Variants in ULK4 observed in about 807,000 individuals in gnomAD.
ULK4 encodes inactive serine/threonine-protein kinase ULK4.
Under a neutral mutation model 160.6 loss-of-function variants are expected in ULK4, and 133 were observed. That is an observed-to-expected ratio of 0.83 (90% CI 0.72 to 0.96). The LOEUF is 0.96. Among genes scored for constraint, ULK4 ranks in the 40% least tolerant of loss-of-function variants. The probability of loss-of-function intolerance (pLI) is 0.00; values close to 1 mark genes in which losing one functional copy is unlikely to be tolerated. For synonymous variants in ULK4, 534 were observed against 539.8 expected (o/e 0.99, Z 0.15); for missense variants, 1,580 against 1,499.5 (o/e 1.05, Z -0.89).
At chr3:41,453,727 A>G (rs571052197) in intron 34 of ULK4, among the ~76,000 whole-genome samples, 1 of 152,226 alleles carries the variant, frequency 6.6e-6, no homozygotes, top group East Asian at 1.9e-4. Flanking sequence ...ACGGTCTTGC[A>G]TTATTATTGT....
intron 32 of ULK4, among the ~76,000 whole-genome samples, chr3:41,542,511 G>C (rs1026599876): frequency 3.3e-5 from 5 of 152,060 alleles, no homozygotes; most frequent in African/African-American, 1.2e-4. Flanking sequence ...CCAGGTTTTG[G>C]TATCAGGATG....
At chr3:41,824,342 G>A (rs142608363) in intron 18 of ULK4, among the ~76,000 whole-genome samples, 18,754 of 151,806 alleles carry the variant, frequency 0.12, 1,329 homozygotes, top group Middle Eastern at 0.26. Flanking sequence ...GCAGCACACC[G>A]AGCATAAGAC....
At chr3:41,733,459 T>A (rs912771134) in intron 22 of ULK4, among the ~76,000 whole-genome samples, 4 of 152,090 alleles carry the variant, frequency 2.6e-5, no homozygotes, top group African/African-American at 9.7e-5. Context: ...TAAAAAGAGG[T>A]GTTGAATACA....
intron 27 of ULK4, among the ~76,000 whole-genome samples, chr3:41,685,666 T>A (rs2125797091): frequency 6.6e-6 from 1 of 152,334 alleles, no homozygotes; most frequent in Non-Finnish European, 1.5e-5. Context: ...CCTGCATACC[T>A]ACCCTTCACA....
At chr3:41,518,729 G>A (rs2085831946) in intron 32 of ULK4, among the ~76,000 whole-genome samples, 1 of 152,128 alleles carries the variant, frequency 6.6e-6, no homozygotes, top group East Asian at 1.9e-4. Flanking sequence ...TATCAGTTAA[G>A]GGAAAAAAGA....
Position 41,650,117 on chromosome 3 carries a change from C to T in ULK4, c.3071+13490G>A, listed in dbSNP as rs74921287. Among the ~76,000 whole-genome samples, 559 of 152,150 alleles carry T rather than the reference C, an allele frequency of 3.7e-3. 3 individuals are homozygous for T. The East Asian group carries it at 0.044, about 12-fold the overall frequency. The stretch of plus-strand genomic sequence containing the variant: ...GCTGGAGACTCACTGGGACAACCTG[C>T]CTGTGGAGAGGAGCTACCCACTTTG... On this transcript the variant is annotated intron_variant, in intron 30 of 36. Coordinates refer to ENST00000301831, the MANE Select transcript of ULK4 (RefSeq NM_017886.4).
In ULK4 at chr3:41,865,610, C is replaced by T. The variant is rs561070664; in HGVS notation, c.1656+18264G>A. Among the ~76,000 whole-genome samples the T allele has an allele frequency of 7.2e-5, 11 of 152,244 alleles. No homozygotes were observed. The South Asian group carries it at 1.9e-3, about 26-fold the overall frequency. ...CCTCTCTTTAATATCCTTGGCCCAT[C>T]GGAAAGTTCCACAAAGACAGGGACA... On this transcript the variant is annotated intron_variant, in intron 17 of 36. Coordinates refer to ENST00000301831, the MANE Select transcript of ULK4 (RefSeq NM_017886.4).
At chr3:41,373,674 G>T (rs926923151) in intron 35 of ULK4, among the ~76,000 whole-genome samples, 15 of 152,044 alleles carry the variant, frequency 9.9e-5, no homozygotes, top group African/African-American at 3.6e-4. Flanking sequence ...AATGCCCACA[G>T]GAGAAAGCGG....
At chr3:41,825,798 A>G (rs2041324992) in intron 18 of ULK4, among the ~76,000 whole-genome samples, 1 of 152,192 alleles carries the variant, frequency 6.6e-6, no homozygotes, top group South Asian at 2.1e-4. Context: ...AAATTCAGGA[A>G]ATACAGAGAA....
chr3:41,824,697 T>C (rs894906304), intron 18 of ULK4, among the ~76,000 whole-genome samples: 7 of 152,050 alleles, frequency 4.6e-5, no homozygotes, highest in East Asian at 1.9e-4. Context: ...CCCACCGCAG[T>C]TCAAGGAGGC....
intron 30 of ULK4, among the ~76,000 whole-genome samples, chr3:41,644,915 GT>G (rs775932035): frequency 6.6e-6 from 1 of 151,948 alleles, no homozygotes; most frequent in Non-Finnish European, 1.5e-5. Context: ...TCCTGGTTTA[GT>G]CTTGGGAGGG....
intron 16 of ULK4, among the ~76,000 whole-genome samples, chr3:41,886,573 A>G (rs1486246735): frequency 6.7e-6 from 1 of 150,116 alleles, no homozygotes; most frequent in African/African-American, 2.5e-5. Flanking sequence ...ATAAAATGTG[A>G]ATTTTTTTTT....
At chr3:41,725,565 T>A (rs986204185) in intron 22 of ULK4, among the ~76,000 whole-genome samples, 2 of 152,226 alleles carry the variant, frequency 1.3e-5, no homozygotes, top group South Asian at 2.1e-4. Context: ...TGGGTTTTTT[T>A]AATAGTTCTA....
chr3:41,835,998 A>C, intron 17 of ULK4, 27 bp from the exon 18 acceptor site: 1 of 1,341,334 alleles, frequency 7.5e-7, no homozygotes, highest in Non-Finnish European at 1.1e-6. Context: ...AAAAAAAGTA[A>C]ATTATTTCAA....
intron 29 of ULK4, among the ~76,000 whole-genome samples, chr3:41,673,131 T>C (rs1378920836): frequency 2.0e-5 from 3 of 152,076 alleles, no homozygotes; most frequent in Non-Finnish European, 4.4e-5. Context: ...TGAGCCAACA[T>C]ACCCAGCCAA....
At chr3:41,748,816 T>C (rs905158322) in intron 22 of ULK4, among the ~76,000 whole-genome samples, 3 of 152,232 alleles carry the variant, frequency 2.0e-5, no homozygotes, top group African/African-American at 7.2e-5. Context: ...ATGAATACTG[T>C]TCTAAATCTG....
At chr3:41,805,162 G>A (rs1239780554) in intron 19 of ULK4, among the ~76,000 whole-genome samples, 26 of 152,288 alleles carry the variant, frequency 1.7e-4, no homozygotes, top group African/African-American at 5.8e-4. Flanking sequence ...ATTTCATTGA[G>A]CATTGGTTTC....
At chr3:41,468,551 A>G (rs1218380560) in intron 32 of ULK4, among the ~76,000 whole-genome samples, 2 of 152,240 alleles carry the variant, frequency 1.3e-5, no homozygotes, top group Non-Finnish European at 2.9e-5. Context: ...AGAAAGTTCT[A>G]TCAGCAACTA....
At chr3:41,658,584 T>C (rs1275971197) in intron 30 of ULK4, among the ~76,000 whole-genome samples, 2 of 152,218 alleles carry the variant, frequency 1.3e-5, no homozygotes, top group African/African-American at 2.4e-5. Flanking sequence ...AATCAATATG[T>C]AATATTGATA....
Sources: allele counts gnomAD v4.1 joint callset (sites outside exome capture counted in the v4.1 genomes callset), GRCh38; gene constraint gnomAD v4.1.1; transcripts MANE v1.5; gene names NCBI Gene and HGNC (gene_info 2026-07-23, HGNC 2026-07-21).